Variants in MAS1 observed in about 807,000 individuals in gnomAD.
MAS1 encodes proto-oncogene Mas.
For synonymous variants in MAS1, 163 were observed against 164.2 expected (o/e 0.99, Z 0.05); for missense variants, 387 against 409.7 (o/e 0.94, Z 0.48).
rs1783005947 is a variant in MAS1, at chr6:159,915,060, A to G, written c.*7127A>G. 1 of 152,114 alleles carries G rather than the reference A, an allele frequency of 6.6e-6. No individual in the cohort carries two copies. Among genetic ancestry groups the G allele is most frequent in the Non-Finnish European group, 1.5e-5 (1 of 68,042 alleles). 9.4% of individuals were successfully genotyped at this position (152,114 alleles called of 1,614,324 possible). On this transcript the variant is annotated 3_prime_UTR_variant, in exon 3 of 3. Coordinates refer to ENST00000674077, the MANE Select transcript of MAS1 (RefSeq NM_002377.4). ...GTGTTCTTGTCTTTGAATAGTTGGA[A>G]TCTATTTCTGTGGGGGGAATGGTTC...
At position 159,917,296 on chromosome 6, in the gene MAS1, T is replaced by C. The variant is rs568493457; in HGVS notation, c.*9363T>C. 2.6e-5 allele frequency among the ~76,000 whole-genome samples: 4 copies of C among 152,338 alleles called. No individual in the cohort carries two copies. The East Asian group carries it at 7.7e-4, about 29-fold the overall frequency. The stretch of plus-strand genomic sequence containing the variant: ...CAAGGAGATTTAAAAAACGAGAGAT[T>C]TTCTGTAGTAAGTACATTGCCTGTA... On this transcript the variant is annotated 3_prime_UTR_variant, in exon 3 of 3. Coordinates refer to ENST00000674077, the MANE Select transcript of MAS1 (RefSeq NM_002377.4).
intron 2 of MAS1, among the ~76,000 whole-genome samples, chr6:159,905,347 TG>T (rs1782872836): frequency 6.6e-6 from 1 of 152,226 alleles, no homozygotes; most frequent in African/African-American, 2.4e-5. Flanking sequence ...TCATCCTGTG[TG>T]GGTTCTTTTC....
chr6:159,898,668 T>TCTTCCTCCTCCTC lies in MAS1; in HGVS notation c.-243-517_-243-516insTTCCTCCTCCTCC, dbSNP rs1562310014. On this transcript the variant is annotated intron_variant, in intron 1 of 2. Coordinates refer to ENST00000674077, the MANE Select transcript of MAS1 (RefSeq NM_002377.4). ...CCTCTTCCTCCTCCTCCCTCCTCCT[T>TCTTCCTCCTCCTC]CCTCTTCCTCCTCCTCCCTCTTCCT... is the stretch of plus-strand genomic sequence containing the variant. Among the ~76,000 whole-genome samples, 160 of 48,472 alleles carry TCTTCCTCCTCCTC rather than the reference T, an allele frequency of 3.3e-3. 5 individuals carry two copies. Among genetic ancestry groups the TCTTCCTCCTCCTC allele is most frequent in the East Asian group, 0.026 (45 of 1,764 alleles). 31.8% of individuals were successfully genotyped at this position (48,472 alleles called of 152,430 possible).
chr6:159,898,356 C>T lies in MAS1; in HGVS notation c.-243-830C>T, dbSNP rs554178099. Among the ~76,000 whole-genome samples the T allele has an allele frequency of 2.1e-4, 32 of 152,120 alleles. No homozygotes were observed. The South Asian group carries it at 4.6e-3, about 22-fold the overall frequency. On this transcript the variant is annotated intron_variant, in intron 1 of 2. Coordinates refer to ENST00000674077, the MANE Select transcript of MAS1 (RefSeq NM_002377.4). ...CCCCAGAGTGTAATGGAGAGAGCTCCGGGCTAAGATCAGGCACGCTGGGCC... is the reference window on the plus strand; with the variant it reads ...CCCCAGAGTGTAATGGAGAGAGCTCTGGGCTAAGATCAGGCACGCTGGGCC...
rs200828899 is a variant in MAS1 at position 159,899,199 on chromosome 6, G to A, written c.-230G>A. On this transcript the variant is annotated 5_prime_UTR_variant, in exon 2 of 3. An upstream open reading frame in the 5' UTR loses its in-frame stop. Coordinates refer to ENST00000674077, the MANE Select transcript of MAS1 (RefSeq NM_002377.4). ...CTTTCTCCCTAGACATCTCTTTCGT[G>A]AGAAGAAAGAGAGGAGGGAAGATGC... 2.6e-5 allele frequency: 4 copies of A among 152,346 alleles called. No individual in the cohort carries two copies. The East Asian group carries it at 5.8e-4, about 22-fold the overall frequency. The allele number at this position is 152,346 out of a possible 1,614,324, so 9.4% of individuals were successfully genotyped here.
chr6:159,916,551 G>A lies in MAS1; in HGVS notation c.*8618G>A, dbSNP rs979432241. 2.0e-5 allele frequency: 3 copies of A among 152,198 alleles called. No individual in the cohort carries two copies. Among genetic ancestry groups the A allele is most frequent in the African/African-American group, 7.2e-5 (3 of 41,448 alleles). 9.4% of individuals were successfully genotyped at this position (152,198 alleles called of 1,614,324 possible). On this transcript the variant is annotated 3_prime_UTR_variant, in exon 3 of 3. Coordinates refer to ENST00000674077, the MANE Select transcript of MAS1 (RefSeq NM_002377.4). ...ATTGTACTTTCAAGGCACTCGGTGTGTTTCTCAGGATGCTGGGCAGCCCAT... is the reference window on the plus strand; with the variant it reads ...ATTGTACTTTCAAGGCACTCGGTGTATTTCTCAGGATGCTGGGCAGCCCAT...
chr6:159,905,779 C>T (rs1782878203), intron 2 of MAS1, among the ~76,000 whole-genome samples: 1 of 152,180 alleles, frequency 6.6e-6, no homozygotes, highest in Non-Finnish European at 1.5e-5. Context: ...CGGTGGCTTA[C>T]ACCTGTAATC....
chr6:159,901,481 C>T (rs1400698031), intron 2 of MAS1, among the ~76,000 whole-genome samples: 2 of 152,108 alleles, frequency 1.3e-5, no homozygotes, highest in Admixed American at 1.3e-4. Context: ...TGCCTGTTGT[C>T]CTAGCTGTTC....
chr6:159,898,999 G>A (rs1424328051), intron 1 of MAS1, among the ~76,000 whole-genome samples, 187 bp from the exon 2 acceptor site: 1 of 152,142 alleles, frequency 6.6e-6, no homozygotes, highest in African/African-American at 2.4e-5. Flanking sequence ...CAAAACGGTG[G>A]CTCTGAGCCT....
intron 1 of MAS1, among the ~76,000 whole-genome samples, chr6:159,891,620 T>C (rs1782699923): frequency 6.6e-6 from 1 of 152,218 alleles, no homozygotes; most frequent in African/African-American, 2.4e-5. Flanking sequence ...TGATTTTTCT[T>C]CATTTTTCCT....
chr6:159,901,594 C>G (rs929765017), intron 2 of MAS1, among the ~76,000 whole-genome samples: 1 of 152,092 alleles, frequency 6.6e-6, no homozygotes, highest in Non-Finnish European at 1.5e-5. Context: ...GTGAGACTAT[C>G]TCTAAACTTT....
At chr6:159,899,484 G>A (rs1331915749) in intron 2 of MAS1, 92 bp downstream of exon 2, 1 of 152,398 alleles carries the variant, frequency 6.6e-6, no homozygotes, top group Non-Finnish European at 1.5e-5. Flanking sequence ...CCAGAACTTT[G>A]GGAGGCTGAG....
chr6:159,903,079 T>A (rs550663176), intron 2 of MAS1, among the ~76,000 whole-genome samples: 2 of 152,186 alleles, frequency 1.3e-5, no homozygotes, highest in African/African-American at 4.8e-5. Context: ...AGCGTCACGT[T>A]CTCCAGCCCC....
At position 159,907,474 on chromosome 6, in the gene MAS1, C is replaced by G. The variant is rs1465197162; in HGVS notation, c.519C>G (p.Asp173Glu). ...CCATGGAGTATGTCATGTGCATCGA[C>G]AGAGAAGAAGAGAGTCACTCTCGGA... ...VTTMEYVMCI[D>E]REEESHSRND... The change falls in exon 3 of 3, where the codon GAC becomes GAG. Residue 173 changes from aspartate to glutamate, a missense_variant. Transcript: ENST00000674077. 1.2e-6 allele frequency: 2 copies of G among 1,613,888 alleles called. No homozygotes were observed. The highest frequency in any genetic ancestry group is 1.7e-6 in the Non-Finnish European group (2 of 1,180,040).
chr6:159,902,651 G>A (rs1562310951), intron 2 of MAS1: 1 of 152,072 alleles, frequency 6.6e-6, no homozygotes, highest in Non-Finnish European at 1.5e-5. Context: ...GCTGGTCCAG[G>A]CCCTTGTCAC....
intron 1 of MAS1, among the ~76,000 whole-genome samples, chr6:159,892,402 A>T (rs1341164698): frequency 6.6e-6 from 1 of 151,470 alleles, no homozygotes; most frequent in Non-Finnish European, 1.5e-5. Context: ...CAGATGGCCC[A>T]CTCCCCCAGC....
At chr6:159,903,135 G>T (rs1329090762) in intron 2 of MAS1, among the ~76,000 whole-genome samples, 1 of 152,068 alleles carries the variant, frequency 6.6e-6, no homozygotes, top group Non-Finnish European at 1.5e-5. Flanking sequence ...GGACTTCAAT[G>T]ATTCCCTGAC....
In MAS1 at chr6:159,908,511, A is replaced by ACACG. The variant is rs1782926109; in HGVS notation, c.*581_*582insGCAC. 1 of 112,788 alleles carries ACACG rather than the reference A, an allele frequency of 8.9e-6. No individual in the cohort carries two copies. Among genetic ancestry groups the ACACG allele is most frequent in the Non-Finnish European group, 1.8e-5 (1 of 54,078 alleles). 7.0% of individuals were successfully genotyped at this position (112,788 alleles called of 1,614,324 possible). On this transcript the variant is annotated 3_prime_UTR_variant, in exon 3 of 3. Coordinates refer to ENST00000674077, the MANE Select transcript of MAS1 (RefSeq NM_002377.4). ...GATATAAATTTTTGTTTTGTAAAGC[A>ACACG]CACACACACACACACACACACACAC...
At chr6:159,893,547 G>A (rs1782723967) in intron 1 of MAS1, among the ~76,000 whole-genome samples, 1 of 152,182 alleles carries the variant, frequency 6.6e-6, no homozygotes, top group African/African-American at 2.4e-5. Flanking sequence ...AAGGGAGCCA[G>A]GTTTCTCAGA....
Sources: allele counts gnomAD v4.1 joint callset (sites outside exome capture counted in the v4.1 genomes callset), GRCh38; gene constraint gnomAD v4.1.1; transcripts MANE v1.5; gene names NCBI Gene and HGNC (gene_info 2026-07-23, HGNC 2026-07-21).